The following CACNA2D1 variants were observed in gnomAD, a reference collection of about 807,000 sequenced individuals.
CACNA2D1 encodes voltage-dependent calcium channel subunit alpha-2/delta-1.
Under a neutral mutation model 171.5 loss-of-function variants are expected in CACNA2D1, and 53 were observed. That is an observed-to-expected ratio of 0.31 (90% CI 0.25 to 0.39). The LOEUF (loss-of-function observed/expected upper bound fraction) is 0.39, where lower values mean the gene tolerates loss of function less well. Among genes scored for constraint, CACNA2D1 ranks in the 10% least tolerant of loss-of-function variants. CACNA2D1 has a pLI of 1.00. For missense variants in CACNA2D1, 903 were observed against 1,299.8 expected (o/e 0.69, Z 4.69); for synonymous variants, 442 against 443.1 (o/e 1.00, Z 0.03).
chr7:81,959,544 G>A (rs1032962402), intron 37 of CACNA2D1, among the ~76,000 whole-genome samples, 176 bp downstream of exon 37: 4 of 152,074 alleles, frequency 2.6e-5, no homozygotes, highest in Non-Finnish European at 5.9e-5. Flanking sequence ...TGGGGCATGT[G>A]TAGCATAATT....
intron 3 of CACNA2D1, among the ~76,000 whole-genome samples, chr7:82,259,964 T>A (rs1318273239): frequency 6.6e-6 from 1 of 152,208 alleles, no homozygotes; most frequent in East Asian, 1.9e-4. Context: ...GGCTCATGCC[T>A]ATAATCCCAA....
chr7:82,404,748 G>A (rs1408540546), intron 1 of CACNA2D1, among the ~76,000 whole-genome samples: 1 of 152,166 alleles, frequency 6.6e-6, no homozygotes, highest in African/African-American at 2.4e-5. Context: ...ACTGTACCCT[G>A]TGTCTCATGC....
intron 1 of CACNA2D1, among the ~76,000 whole-genome samples, chr7:82,371,796 G>T (rs1410430816): frequency 6.6e-6 from 1 of 151,934 alleles, no homozygotes; most frequent in Non-Finnish European, 1.5e-5. Context: ...GGTTGGTCTC[G>T]AACTCCTGAC....
chr7:82,342,916 G>T (rs1818839873), intron 2 of CACNA2D1: 1 of 152,130 alleles, frequency 6.6e-6, no homozygotes. Context: ...ACATATTTTA[G>T]ACTAGTAAAC....
intron 5 of CACNA2D1, among the ~76,000 whole-genome samples, chr7:82,118,895 T>C (rs1215360727): frequency 6.6e-6 from 1 of 152,074 alleles, no homozygotes; most frequent in Non-Finnish European, 1.5e-5. Flanking sequence ...TAAATTAAAA[T>C]AACTTCATAA....
At chr7:82,406,761 CTTGT>C (rs1827099213) in intron 1 of CACNA2D1, among the ~76,000 whole-genome samples, 1 of 151,926 alleles carries the variant, frequency 6.6e-6, no homozygotes, top group Non-Finnish European at 1.5e-5. Context: ...GTCAGTTTTT[CTTGT>C]TTAAGTTCTT....
chr7:82,234,450 AAC>A (rs10600975), intron 3 of CACNA2D1, among the ~76,000 whole-genome samples: 12,029 of 152,210 alleles, frequency 0.079, 635 homozygotes, highest in South Asian at 0.11. Context: ...AATCAGCCTG[AAC>A]AGTTACCTAT....
At chr7:81,985,768 T>G (rs775222849) in intron 21 of CACNA2D1, among the ~76,000 whole-genome samples, 1 of 152,158 alleles carries the variant, frequency 6.6e-6, no homozygotes, top group African/African-American at 2.4e-5. Context: ...GTCTTGAGTT[T>G]TGTAGTTAAC....
At chr7:82,187,328 C>T (rs967330605) in intron 3 of CACNA2D1, among the ~76,000 whole-genome samples, 5 of 152,076 alleles carry the variant, frequency 3.3e-5, no homozygotes, top group South Asian at 4.1e-4. Context: ...AAATTGGAAT[C>T]CTTTCAAGCA....
chr7:82,189,675 G>T (rs1192325443), intron 3 of CACNA2D1, among the ~76,000 whole-genome samples: 2 of 151,880 alleles, frequency 1.3e-5, no homozygotes, highest in Admixed American at 6.6e-5. Context: ...ACTCAGAGGA[G>T]TGAATACTGT....
rs144738891 is a variant in CACNA2D1 at position 82,014,779 on chromosome 7, C to T, written c.1144-300G>A. ...AGAAAGTACATCTTTCATGGCCAGA[C>T]GCAGTGGCTCACGCTCGTAATCCCA... On this transcript the variant is annotated intron_variant, in intron 12 of 38. Transcript: ENST00000356860. Among the ~76,000 whole-genome samples, 49 of 152,284 alleles carry T rather than the reference C, an allele frequency of 3.2e-4. 1 individual carries two copies. Among genetic ancestry groups the T allele is most frequent in the Admixed American group, 6.5e-4 (10 of 15,294 alleles).
chr7:82,318,203 T>C (rs563851563), intron 3 of CACNA2D1, among the ~76,000 whole-genome samples: 4 of 152,160 alleles, frequency 2.6e-5, no homozygotes, highest in Non-Finnish European at 5.9e-5. Context: ...AATGATTTTT[T>C]TGAAAGCTTG....
intron 1 of CACNA2D1, among the ~76,000 whole-genome samples, chr7:82,402,760 A>T (rs979349126): frequency 2.6e-5 from 4 of 151,202 alleles, no homozygotes; most frequent in African/African-American, 9.7e-5. Flanking sequence ...GGTTGAGGTT[A>T]AAGAGTTTGA....
At chr7:82,067,957 C>A (rs1807859613) in intron 7 of CACNA2D1, among the ~76,000 whole-genome samples, 1 of 152,172 alleles carries the variant, frequency 6.6e-6, no homozygotes, top group Non-Finnish European at 1.5e-5. Flanking sequence ...GAAAATGGAT[C>A]TGGGCCCTTT....
At chr7:82,093,475 C>A (rs530797052) in intron 6 of CACNA2D1, among the ~76,000 whole-genome samples, 1 of 152,196 alleles carries the variant, frequency 6.6e-6, no homozygotes, top group Non-Finnish European at 1.5e-5. Flanking sequence ...CCTCAAGGAA[C>A]TTTTGCCCTT....
chr7:82,182,806 G>C (rs1474831407), intron 3 of CACNA2D1, among the ~76,000 whole-genome samples: 2 of 152,162 alleles, frequency 1.3e-5, no homozygotes, highest in South Asian at 4.2e-4. Flanking sequence ...GGGAGGATGA[G>C]GAGGGCGGAT....
Position 81,971,868 on chromosome 7 carries a change from A to G in CACNA2D1, c.2054-4T>C. The stretch of plus-strand genomic sequence containing the variant: ...CTATTAATCAAATCCGCGTTACCTA[A>G]CACAGAAAAAGATCATCAGTTACAC... On this transcript the variant is annotated splice_polypyrimidine_tract_variant and splice_region_variant and intron_variant, in intron 25 of 38. Coordinates refer to ENST00000356860, the MANE Select transcript of CACNA2D1 (RefSeq NM_000722.4). 6.4e-7 allele frequency: 1 copy of G among 1,570,600 alleles called. No homozygotes were observed. The highest frequency in any genetic ancestry group is 8.8e-7 in the Non-Finnish European group (1 of 1,141,522).
rs1035598580 is a variant in CACNA2D1, at chr7:82,168,507, T to C, written c.354+2043A>G. ...TGACTAAGTGCCTTACAATTGATGATTTACATTCAATAAAATATGGTAATA... is the reference window on the plus strand; with the variant it reads ...TGACTAAGTGCCTTACAATTGATGACTTACATTCAATAAAATATGGTAATA... On this transcript the variant is annotated intron_variant, in intron 4 of 38. Transcript: ENST00000356860. Among the ~76,000 whole-genome samples the C allele has an allele frequency of 4.5e-4, 68 of 152,120 alleles. 1 individual carries two copies. The highest frequency in any genetic ancestry group is 5.9e-4 in the Admixed American group (9 of 15,256).
In CACNA2D1 at chr7:81,959,833, C is replaced by G; in HGVS notation, c.2967-4G>C. ...AAGCTTTTCTCCATGAAAGATTCTG[C>G]AAAATAAATATGGTATCATAGAAAA... On this transcript the variant is annotated splice_region_variant and splice_polypyrimidine_tract_variant and intron_variant, in intron 36 of 38. Coordinates refer to ENST00000356860, the MANE Select transcript of CACNA2D1 (RefSeq NM_000722.4). The G allele has an allele frequency of 6.2e-7, 1 of 1,610,764 alleles. No individual in the cohort carries two copies. The highest frequency in any genetic ancestry group is 8.5e-7 in the Non-Finnish European group (1 of 1,178,162).
Sources: gnomAD v4.1 joint callset for allele counts (sites outside exome capture counted in the v4.1 genomes callset) on GRCh38, gnomAD v4.1.1 for gene constraint, MANE v1.5 for transcripts, NCBI Gene and HGNC (gene_info 2026-07-23, HGNC 2026-07-21) for gene names.